The following FOXN3 variants were observed in gnomAD, a reference collection of about 807,000 sequenced individuals.
FOXN3 encodes forkhead box N3.
Under a neutral mutation model 38.4 loss-of-function variants are expected in FOXN3, and 7 were observed. That is an observed-to-expected ratio of 0.18 (90% CI 0.10 to 0.34). The LOEUF (loss-of-function observed/expected upper bound fraction) is 0.34, where lower values mean the gene tolerates loss of function less well. Ranked by LOEUF, FOXN3 falls within the 10% of genes least tolerant of loss-of-function variation. FOXN3 has a pLI of 1.00. For missense variants in FOXN3, 456 were observed against 613.4 expected, an observed-to-expected ratio of 0.74 and a Z score of 2.71; for synonymous variants, 230 against 242.2, an observed-to-expected ratio of 0.95 and a Z score of 0.47.
chr14:89,222,561 CA>C (rs1884500311), intron 4 of FOXN3, among the ~76,000 whole-genome samples: 1 of 152,120 alleles, frequency 6.6e-6, no homozygotes, highest in Non-Finnish European at 1.5e-5. Flanking sequence ...GCCTCATTTA[CA>C]AATGACTATA....
intron 1 of FOXN3, among the ~76,000 whole-genome samples, chr14:89,607,384 C>A (rs2139948055): frequency 6.6e-6 from 1 of 152,080 alleles, no homozygotes; most frequent in Non-Finnish European, 1.5e-5. Context: ...CATGGTGAAA[C>A]CCTGTCTCTA....
chr14:89,500,102 C>G (rs1209573606), intron 1 of FOXN3, among the ~76,000 whole-genome samples: 1 of 152,126 alleles, frequency 6.6e-6, no homozygotes, highest in African/African-American at 2.4e-5. Flanking sequence ...ATCCACCTGC[C>G]TCGGCCTCCC....
intron 1 of FOXN3, among the ~76,000 whole-genome samples, chr14:89,597,263 A>G (rs1277541675): frequency 2.5e-4 from 38 of 152,024 alleles, no homozygotes; most frequent in Non-Finnish European, 5.9e-5. Flanking sequence ...TTTTTCATTT[A>G]TATTTTTTGT....
intron 4 of FOXN3, among the ~76,000 whole-genome samples, chr14:89,186,647 T>A (rs889675266): frequency 6.6e-6 from 1 of 152,192 alleles, no homozygotes; most frequent in African/African-American, 2.4e-5. Context: ...GGCAGCATCC[T>A]ATAGAGCGCG....
chr14:89,489,625 G>C (rs1274338596), intron 1 of FOXN3, among the ~76,000 whole-genome samples: 1 of 152,116 alleles, frequency 6.6e-6, no homozygotes, highest in African/African-American at 2.4e-5. Context: ...CGACATATAC[G>C]ATGGCAATAA....
chr14:89,267,431 A>G (rs1886017695), intron 4 of FOXN3, among the ~76,000 whole-genome samples: 1 of 152,170 alleles, frequency 6.6e-6, no homozygotes, highest in Non-Finnish European at 1.5e-5. Context: ...CAGGTAGACC[A>G]GGAAGCAGGG....
intron 2 of FOXN3, among the ~76,000 whole-genome samples, chr14:89,392,897 C>T (rs887492762): frequency 1.3e-5 from 2 of 151,796 alleles, no homozygotes; most frequent in African/African-American, 2.4e-5. Flanking sequence ...ACCTCCGCCC[C>T]CAAGGTTCAA....
At chr14:89,504,446 T>C (rs1364157705) in intron 1 of FOXN3, among the ~76,000 whole-genome samples, 3 of 152,336 alleles carry the variant, frequency 2.0e-5, no homozygotes, top group South Asian at 2.1e-4. Flanking sequence ...AACAAAACAA[T>C]AGCCTTTCTT....
intron 1 of FOXN3, among the ~76,000 whole-genome samples, chr14:89,550,475 T>C (rs936317545): frequency 1.3e-5 from 2 of 152,096 alleles, no homozygotes; most frequent in African/African-American, 4.8e-5. Context: ...AGGCTGAGGG[T>C]GTCTGCTGGG....
intron 2 of FOXN3, among the ~76,000 whole-genome samples, chr14:89,371,176 G>C (rs536627742): frequency 3.9e-5 from 6 of 152,126 alleles, no homozygotes; most frequent in Non-Finnish European, 8.8e-5. Flanking sequence ...GAGAGGCTGC[G>C]AAGAGGCTCA....
In FOXN3 at chr14:89,164,767, C is replaced by T. The variant is rs371828580; in HGVS notation, c.852-1798G>A. 4.6e-5 allele frequency among the ~76,000 whole-genome samples: 7 copies of T among 152,278 alleles called. No homozygotes were observed. The highest frequency in any genetic ancestry group is 1.7e-4 in the African/African-American group (7 of 41,564). ...TAGAAGGGCTGTGGGGTCAGGACCA[C>T]CAGTGAGATAACAGTAGTGACAATC... On this transcript the variant is annotated intron_variant, in intron 5 of 5. Coordinates refer to ENST00000557258, the MANE Select transcript of FOXN3 (RefSeq NM_005197.4). The surrounding 1 kb of genome is among the most constrained non-coding windows in gnomAD (Gnocchi z 4.3).
At chr14:89,511,236 CCTTTT>C (rs1400426619) in intron 1 of FOXN3, among the ~76,000 whole-genome samples, 1 of 10,390 alleles carries the variant, frequency 9.6e-5, no homozygotes, top group African/African-American at 1.7e-4. Flanking sequence ...TCTTTTCTTT[CCTTTT>C]CTTTCTTTTC....
chr14:89,591,431 C>T (rs1426837662), intron 1 of FOXN3, among the ~76,000 whole-genome samples: 7 of 152,166 alleles, frequency 4.6e-5, no homozygotes, highest in African/African-American at 7.2e-5. Flanking sequence ...GGAAAACCTC[C>T]GGAGAGATAC....
At position 89,592,669 on chromosome 14, in the gene FOXN3, A is replaced by G. The variant is rs368652944; in HGVS notation, c.-15+26359T>C. Among the ~76,000 whole-genome samples, 34 of 152,352 alleles carry G rather than the reference A, an allele frequency of 2.2e-4. No individual in the cohort carries two copies. The East Asian group carries it at 6.0e-3, about 27-fold the overall frequency. The stretch of plus-strand genomic sequence containing the variant: ...CTGACCAAGAGAGGGGATAGATTAG[A>G]GATACTTTCAGAGATGAAGTTCTTG... On this transcript the variant is annotated intron_variant, in intron 1 of 6. Transcript: ENST00000345097.
intron 5 of FOXN3, among the ~76,000 whole-genome samples, chr14:89,178,102 G>A (rs1365594668): frequency 6.6e-6 from 1 of 152,054 alleles, no homozygotes; most frequent in Non-Finnish European, 1.5e-5. Context: ...TGACCTCCCA[G>A]GCTCAAGGGA....
At chr14:89,302,417 G>C (rs772227847) in intron 3 of FOXN3, among the ~76,000 whole-genome samples, 3 of 152,038 alleles carry the variant, frequency 2.0e-5, no homozygotes, top group Non-Finnish European at 4.4e-5. Flanking sequence ...TGATTGTGAG[G>C]GTTTTGCTTT....
intron 1 of FOXN3, among the ~76,000 whole-genome samples, chr14:89,512,612 G>A (rs1396780696): frequency 6.6e-6 from 1 of 152,252 alleles, no homozygotes; most frequent in African/African-American, 2.4e-5. Flanking sequence ...CCGGTACGGG[G>A]AGGCCATCTT....
At chr14:89,243,583 A>G (rs11159893) in intron 4 of FOXN3, among the ~76,000 whole-genome samples, 65,403 of 152,126 alleles carry the variant, frequency 0.43, 14,373 homozygotes, top group Non-Finnish European at 0.48. Context: ...ATGATAGCCA[A>G]TGAGGCCACA....
chr14:89,574,558 G>A (rs1596322052), intron 1 of FOXN3, among the ~76,000 whole-genome samples: 1 of 152,166 alleles, frequency 6.6e-6, no homozygotes, highest in Middle Eastern at 3.4e-3. Flanking sequence ...TCCCAGCTCT[G>A]CCCCCTGCCA....
Sources: gnomAD v4.1 joint callset for allele counts (sites outside exome capture counted in the v4.1 genomes callset) on GRCh38, gnomAD v4.1.1 for gene constraint, Gnocchi (gnomAD v3.1) non-coding constraint, MANE v1.5 for transcripts, NCBI Gene and HGNC (gene_info 2026-07-23, HGNC 2026-07-21) for gene names.